Variants in DDHD2 observed in about 807,000 individuals in gnomAD.
The protein encoded by DDHD2 is triacylglycerol hydrolase DDHD2.
Under a neutral mutation model 91.2 loss-of-function variants are expected in DDHD2, and 62 were observed. The ratio of observed to expected loss-of-function variants is 0.68; its 90% CI spans 0.55 to 0.84. The LOEUF (loss-of-function observed/expected upper bound fraction) is 0.84. DDHD2 is among the 40% of genes least tolerant of loss of function. DDHD2 has a pLI of 0.00. For synonymous variants in DDHD2, 271 were observed against 293.9 expected (o/e 0.92, Z 0.80); for missense variants, 740 against 846.9 (o/e 0.87, Z 1.57).
At chr8:38,272,728 A>T (rs990140314), downstream of DDHD2, 2 of 152,220 alleles carry the variant, frequency 1.3e-5, no homozygotes. Flanking sequence ...AAGAATAAAA[A>T]CCAGCCACTT....
rs200472427 is a variant in DDHD2 at position 38,246,338 on chromosome 8, C to T, written c.1125+38C>T. The T allele has an allele frequency of 4.2e-5, 63 of 1,495,836 alleles. No homozygotes were observed. In the African/African-American group the frequency reaches 8.1e-4, roughly 19 times the overall value. The allele number at this position is 1,495,836 out of a possible 1,614,324, so 92.7% of individuals were successfully genotyped here. A position where few individuals can be genotyped will look rare whatever the true frequency, so the allele number is the denominator to read the frequency against. On this transcript the variant is annotated intron_variant, in intron 9 of 17. Coordinates refer to ENST00000397166, the MANE Select transcript of DDHD2 (RefSeq NM_015214.3). Reference sequence around the variant, plus strand: ...TTCAGCTAGGTTTTCTTGTAGTTTTCCTTAGTAAGGATTTATAGATTTTAG... The same window carrying T: ...TTCAGCTAGGTTTTCTTGTAGTTTTTCTTAGTAAGGATTTATAGATTTTAG...
At chr8:38,249,925 CT>C (rs1025219528) in intron 11 of DDHD2, 122 bp downstream of exon 11, 1,022 of 558,864 alleles carry the variant, frequency 1.8e-3, no homozygotes, top group East Asian at 2.2e-3. Context: ...ATCTTTGGCT[CT>C]TTTTTTTTGA....
Position 38,246,242 on chromosome 8 carries a change from T to C in DDHD2, c.1067T>C (p.Ile356Thr), listed in dbSNP as rs1320383562. The change falls in exon 9 of 18, where the codon ATA (isoleucine) becomes ACA (threonine). Residue 356 changes from isoleucine to threonine, a missense_variant. Physicochemically the swap from Ile to Thr is moderately conservative, Grantham distance 89. Transcript: ENST00000397166. The stretch of plus-strand genomic sequence containing the variant: ...TCTATTTTACTTATAGGTTCGCTTA[T>C]ATTGTTTGATATCCTAACAAATCAG... ...SIAGHSLGSL[I>T]LFDILTNQKD... is the part of the protein sequence containing the mutation. The C allele has an allele frequency of 6.2e-7, 1 of 1,604,590 alleles. No homozygotes were observed. The highest frequency in any genetic ancestry group is 8.5e-7 in the Non-Finnish European group (1 of 1,172,146).
intron 14 of DDHD2, 27 bp downstream of exon 14, chr8:38,252,851 T>C: frequency 6.2e-7 from 1 of 1,611,550 alleles, no homozygotes; most frequent in Non-Finnish European, 8.5e-7. Flanking sequence ...AACTTGATAA[T>C]TCTAGACCTT....
rs976104884 is a variant in DDHD2, at chr8:38,261,267, G to GTT, written c.*695_*696dup. On this transcript the variant is annotated 3_prime_UTR_variant, in exon 18 of 18. Transcript: ENST00000397166. ...TGCTGTAAGAGTCTAAAGTTGACAA[G>GTT]TTAGTTCATGTTAGGTGCATCTTTA... The GTT allele has an allele frequency of 1.3e-5, 2 of 152,198 alleles. No homozygotes were observed. Among genetic ancestry groups the GTT allele is most frequent in the African/African-American group, 4.8e-5 (2 of 41,442 alleles). 9.4% of individuals were successfully genotyped at this position (152,198 alleles called of 1,614,324 possible). A position where few individuals can be genotyped will look rare whatever the true frequency, so the allele number is the denominator to read the frequency against.
chr8:38,265,508 C>T (rs1287653179), downstream of DDHD2: 1 of 152,014 alleles, frequency 6.6e-6, no homozygotes, highest in East Asian at 1.9e-4. Context: ...TCAGGCTGGT[C>T]TTCAACTCCT....
chr8:38,251,282 A>G (rs1347982922), intron 11 of DDHD2: 1 of 152,250 alleles, frequency 6.6e-6, no homozygotes, highest in African/African-American at 2.4e-5. Context: ...ACCTCAAGTG[A>G]TCCGCCCACC....
downstream of DDHD2, chr8:38,264,875 A>T (rs1807339800): frequency 3.7e-6 from 6 of 1,611,016 alleles, no homozygotes; most frequent in South Asian, 4.4e-5. Context: ...CTAAATTAGA[A>T]TTTTTCTAAC....
rs777549177 is a variant in DDHD2, at chr8:38,249,786, A to G, written c.1327A>G (p.Thr443Ala). Residue 443 changes from threonine to alanine, a missense_variant, in exon 11 of 18, where the codon ACC becomes GCC. Around this residue, in one of 2 missense-constraint regions of DDHD2, gnomAD observed 693 missense variants for 764.2 expected, o/e 0.91. Coordinates refer to ENST00000397166, the MANE Select transcript of DDHD2 (RefSeq NM_015214.3). ...AAAGAAGATATTAAACTATTTCAGC[A>G]CCAGAAAAAACTCAATGGTATGTGC... ...PRKKILNYFS[T>A]RKNSMGIKRP... 1 of 1,608,438 alleles carries G rather than the reference A, an allele frequency of 6.2e-7. No individual in the cohort carries two copies. The highest frequency in any genetic ancestry group is 2.2e-5 in the East Asian group (1 of 44,794).
intron 1 of DDHD2, chr8:38,270,349 T>C (rs925673363): frequency 2.0e-5 from 3 of 151,700 alleles, no homozygotes; most frequent in African/African-American, 7.3e-5. Context: ...GAAAACGGAG[T>C]CTGTAGGTAT....
chr8:38,271,730 T>A (rs1441874303), downstream of DDHD2: 2 of 152,234 alleles, frequency 1.3e-5, no homozygotes, highest in Non-Finnish European at 2.9e-5. Flanking sequence ...TAGTCTACGC[T>A]GCCCAGAAAT....
chr8:38,263,310 G>A, downstream of DDHD2: 1 of 842,060 alleles, frequency 1.2e-6, no homozygotes, highest in Non-Finnish European at 1.4e-6. Context: ...TTGTGAAGAA[G>A]GGGCAGAAAA....
intron 1 of DDHD2, chr8:38,269,988 G>GCTTT (rs1808384924): frequency 6.6e-6 from 1 of 152,136 alleles, no homozygotes; most frequent in African/African-American, 2.4e-5. Flanking sequence ...GGTTAACCAA[G>GCTTT]CTTTACACGT....
chr8:38,242,064 AGTT>A, intron 6 of DDHD2, 183 bp from the exon 7 acceptor site: 1 of 533,902 alleles, frequency 1.9e-6, no homozygotes, highest in South Asian at 2.6e-5. Context: ...AAAAAAAAAA[AGTT>A]ATTAAAGAAA....
At chr8:38,268,379 G>T in intron 1 of DDHD2, 1 of 1,567,394 alleles carries the variant, frequency 6.4e-7, no homozygotes. Flanking sequence ...ACCCAGGCAG[G>T]CTTGTCTGCT....
At chr8:38,242,161 A>G in intron 6 of DDHD2, 89 bp from the exon 7 acceptor site, 1 of 1,040,516 alleles carries the variant, frequency 9.6e-7, no homozygotes, top group Non-Finnish European at 1.4e-6. Context: ...GTGCAAATGT[A>G]GTTAGAGTAT....
chr8:38,263,448 T>TA, downstream of DDHD2: 1 of 985,424 alleles, frequency 1.0e-6, no homozygotes, highest in Non-Finnish European at 1.2e-6. Flanking sequence ...CAAGTACAGT[T>TA]ATGGTCAAAT....
downstream of DDHD2, chr8:38,267,780 A>T (rs1807892147): frequency 1.9e-6 from 2 of 1,075,604 alleles, no homozygotes; most frequent in Non-Finnish European, 2.8e-6. Context: ...AAGAAAAATC[A>T]GAGTGAAGAT....
intron 1 of DDHD2, chr8:38,269,104 C>T (rs1211706522): frequency 1.0e-5 from 16 of 1,526,346 alleles, no homozygotes; most frequent in Non-Finnish European, 1.3e-5. Flanking sequence ...GCCGCCCGGG[C>T]CCGGCCGTGG....
Sources: allele counts gnomAD v4.1 joint callset, GRCh38; gene constraint gnomAD v4.1.1; regional missense constraint gnomAD v4.1.1; transcripts MANE v1.5; gene names NCBI Gene and HGNC (gene_info 2026-07-23, HGNC 2026-07-21).